Variants in IL1R1 observed in about 807,000 individuals in gnomAD.
IL1R1 encodes interleukin 1 receptor type 1.
Under a neutral mutation model 50.2 loss-of-function variants are expected in IL1R1, and 22 were observed. That is an observed-to-expected ratio of 0.44 (90% CI 0.31 to 0.63). The LOEUF (loss-of-function observed/expected upper bound fraction) is 0.63. Among genes scored for constraint, IL1R1 ranks in the 20% least tolerant of loss-of-function variants. The pLI is 0.07. For missense variants in IL1R1, 509 were observed against 676.2 expected, an observed-to-expected ratio of 0.75 and a Z score of 2.74; for synonymous variants, 251 against 236.7, an observed-to-expected ratio of 1.06 and a Z score of -0.55.
chr2:102,128,735 T>A (rs1681863648), intron 1 of IL1R1, among the ~76,000 whole-genome samples: 1 of 152,226 alleles, frequency 6.6e-6, no homozygotes, highest in South Asian at 2.1e-4. Context: ...AGGGTGATTT[T>A]TAACTTTACA....
intron 1 of IL1R1, among the ~76,000 whole-genome samples, chr2:102,105,791 T>C (rs1680375629): frequency 6.6e-6 from 1 of 152,236 alleles, no homozygotes; most frequent in South Asian, 2.1e-4. Context: ...AGCCTGATCA[T>C]ATTTTTCTCC....
chr2:102,176,490 G>T lies in IL1R1; in HGVS notation c.1441G>T (p.Asp481Tyr), dbSNP rs200215516. The T allele has an allele frequency of 1.2e-6, 2 of 1,614,188 alleles. No individual in the cohort carries two copies. Among genetic ancestry groups the T allele is most frequent in the Non-Finnish European group, 1.7e-6 (2 of 1,180,030 alleles). The change falls in exon 12 of 12, where the codon GAT becomes TAT. Residue 481 changes from aspartate (D) to tyrosine (Y), a missense_variant. Physicochemically the swap from Asp to Tyr is radical, Grantham distance 160. Transcript: ENST00000410023. ...AGCCATGTATAATGCTCTTGTTCAG[G>T]ATGGAATTAAAGTTGTCCTGCTTGA... ...QIAMYNALVQ[D>Y]GIKVVLLELE...
At chr2:102,115,855 G>C (rs10208542) in intron 1 of IL1R1, among the ~76,000 whole-genome samples, 34,434 of 152,050 alleles carry the variant, frequency 0.23, 5,971 homozygotes, top group African/African-American at 0.48. Flanking sequence ...GCGAGGAGAG[G>C]AACACATTCC....
intron 1 of IL1R1, among the ~76,000 whole-genome samples, chr2:102,086,207 T>C (rs1679422812): frequency 6.6e-6 from 1 of 152,168 alleles, no homozygotes; most frequent in Admixed American, 6.5e-5. Flanking sequence ...GTGGTTTCAC[T>C]GGGTAAGATT....
At chr2:102,116,808 G>A (rs1259899019) in intron 1 of IL1R1, among the ~76,000 whole-genome samples, 1 of 152,152 alleles carries the variant, frequency 6.6e-6, no homozygotes, top group Non-Finnish European at 1.5e-5. Flanking sequence ...AATCACGTTA[G>A]CACTTTCTAC....
chr2:102,169,829 C>T (rs374383353), intron 7 of IL1R1, among the ~76,000 whole-genome samples: 1 of 152,182 alleles, frequency 6.6e-6, no homozygotes, highest in South Asian at 2.1e-4. Context: ...AAATTGTTCC[C>T]CTTTAGAGTC....
upstream of IL1R1, among the ~76,000 whole-genome samples, chr2:102,139,150 A>G (rs2104433327): frequency 6.6e-6 from 1 of 152,280 alleles, no homozygotes; most frequent in Non-Finnish European, 1.5e-5. Flanking sequence ...GTTCTGGTCC[A>G]TGAGTTATCC....
rs56081302 is a variant in IL1R1, at chr2:102,166,107, A to T, written c.487-6A>T. The T allele has an allele frequency of 5.0e-6, 8 of 1,610,856 alleles. No individual in the cohort carries two copies. The African/African-American group carries it at 6.7e-5, about 13-fold the overall frequency. On this transcript the variant is annotated splice_region_variant and splice_polypyrimidine_tract_variant and intron_variant, in intron 5 of 11. Transcript: ENST00000410023. Reference sequence around the variant, plus strand: ...GTTTTCAATGCTTCTCTCTCCCTTTATCTAGGATTGCAAACCTCTACTTCT... The same window carrying T: ...GTTTTCAATGCTTCTCTCTCCCTTTTTCTAGGATTGCAAACCTCTACTTCT...
At chr2:102,152,724 C>G (rs1002154921) in intron 1 of IL1R1, among the ~76,000 whole-genome samples, 1 of 151,864 alleles carries the variant, frequency 6.6e-6, no homozygotes, top group Non-Finnish European at 1.5e-5. Context: ...GGGCACTGTC[C>G]TAGGACTGGG....
intron 1 of IL1R1, among the ~76,000 whole-genome samples, chr2:102,144,523 GA>G (rs1682949427): frequency 6.6e-6 from 1 of 152,036 alleles, no homozygotes; most frequent in African/African-American, 2.4e-5. Context: ...CACCATTGTT[GA>G]AACACTGCTT....
Position 102,178,217 on chromosome 2 carries a change from C to G in IL1R1, c.*1458C>G, listed in dbSNP as rs1255966821. ...GACTTTCCCTAAGAGGCGACTTCCTCTCCAGCCTTCTCTCTCTGGTCAGGC... is the reference window on the plus strand; with the variant it reads ...GACTTTCCCTAAGAGGCGACTTCCTGTCCAGCCTTCTCTCTCTGGTCAGGC... On this transcript the variant is annotated 3_prime_UTR_variant, in exon 12 of 12. Transcript: ENST00000410023. 2 of 152,390 alleles carry G rather than the reference C, an allele frequency of 1.3e-5. No homozygotes were observed. The highest frequency in any genetic ancestry group is 2.9e-5 in the Non-Finnish European group (2 of 68,070). The allele number at this position is 152,390 out of a possible 1,614,324, so 9.4% of individuals were successfully genotyped here.
intron 2 of IL1R1, among the ~76,000 whole-genome samples, chr2:102,154,249 A>C (rs1307329742): frequency 6.6e-6 from 1 of 152,130 alleles, no homozygotes; most frequent in Non-Finnish European, 1.5e-5. Context: ...GGTCACCTTG[A>C]CTGTGCTACA....
chr2:102,169,994 G>T (rs1685534875), intron 7 of IL1R1, among the ~76,000 whole-genome samples: 1 of 152,118 alleles, frequency 6.6e-6, no homozygotes, highest in Admixed American at 6.5e-5. Flanking sequence ...ACCAGTTTTT[G>T]CCCTGCTGGC....
chr2:102,153,532 C>G (rs978185573), intron 1 of IL1R1, among the ~76,000 whole-genome samples: 3 of 152,172 alleles, frequency 2.0e-5, no homozygotes, highest in Admixed American at 1.3e-4. Context: ...TGTCCCCACC[C>G]AAATCTCATC....
chr2:102,167,407 A>T (rs1685272664), intron 6 of IL1R1, among the ~76,000 whole-genome samples: 1 of 149,932 alleles, frequency 6.7e-6, no homozygotes. Context: ...TTGAGAGAGA[A>T]CTGGGCACTG....
intron 1 of IL1R1, among the ~76,000 whole-genome samples, chr2:102,095,066 A>T (rs1234251853): frequency 6.6e-6 from 1 of 152,180 alleles, no homozygotes; most frequent in Non-Finnish European, 1.5e-5. Context: ...CAGATACGCC[A>T]CTTCACAGCT....
chr2:102,174,973 G>A (rs1685994313), intron 10 of IL1R1, among the ~76,000 whole-genome samples: 1 of 152,126 alleles, frequency 6.6e-6, no homozygotes, highest in Admixed American at 6.6e-5. Context: ...TAGAGCATCT[G>A]TTTATAAATT....
intron 1 of IL1R1, among the ~76,000 whole-genome samples, chr2:102,136,512 G>A (rs1682353081): frequency 6.6e-6 from 1 of 151,926 alleles, no homozygotes; most frequent in South Asian, 2.1e-4. Context: ...AAGTAGCTGG[G>A]ATTACAGGTG....
rs147360491 is a variant in IL1R1 at position 102,078,416 on chromosome 2, G to A, written c.-84+7883G>A. ...AAGAGGGATTATAAGGGAATACTAC[G>A]AAAAAATTATATGCCAACTAATTAA... is the stretch of plus-strand genomic sequence containing the variant. On this transcript the variant is annotated intron_variant, in intron 1 of 11. Coordinates refer to the IL1R1 transcript ENST00000409929. Among the ~76,000 whole-genome samples, 606 of 151,980 alleles carry A rather than the reference G, an allele frequency of 4.0e-3. 7 individuals carry two copies. The highest frequency in any genetic ancestry group is 7.5e-3 in the East Asian group (39 of 5,186).
Sources: gnomAD v4.1 joint callset for allele counts (sites outside exome capture counted in the v4.1 genomes callset) on GRCh38, gnomAD v4.1.1 for gene constraint, MANE v1.5 for transcripts, NCBI Gene and HGNC (gene_info 2026-07-23, HGNC 2026-07-21) for gene names.